The following SLC6A4 variants were observed in gnomAD, a reference collection of about 807,000 sequenced individuals.
SLC6A4 encodes the protein sodium-dependent serotonin transporter.
In SLC6A4, 22 loss-of-function variants were observed where a neutral mutation model predicts 73.4. The observed-to-expected ratio is 0.30, with a 90% confidence interval of 0.21 to 0.43. The LOEUF (loss-of-function observed/expected upper bound fraction) is 0.43. SLC6A4 is among the 20% of genes least tolerant of loss of function. The pLI, the probability that SLC6A4 is intolerant of heterozygous loss-of-function variation, is 1.00. For synonymous variants in SLC6A4, 270 were observed against 315.5 expected (o/e 0.86, Z 1.53); for missense variants, 593 against 808.5 (o/e 0.73, Z 3.23).
chr17:30,203,587 TGCAGCA>T, intron 13 of SLC6A4: 1 of 458,742 alleles, frequency 2.2e-6, no homozygotes, highest in South Asian at 2.4e-5. Context: ...AGGGGGATGT[TGCAGCA>T]GCCCTACAGC....
rs189440830 is a variant in SLC6A4 at position 30,223,038 on chromosome 17, G to A, written c.-220-123C>T. On this transcript the variant is annotated intron_variant, in intron 1 of 14. Coordinates refer to ENST00000650711, the MANE Select transcript of SLC6A4 (RefSeq NM_001045.6). The stretch of plus-strand genomic sequence containing the variant: ...TTCATTTCACCGCCGTGGCCTGGGC[G>A]CAGGGAAGTCAGCTCAGCTCTGGCT... 71 of 377,732 alleles carry A rather than the reference G, an allele frequency of 1.9e-4. No individual in the cohort carries two copies. In the East Asian group the frequency reaches 4.8e-3, roughly 25 times the overall value. 23.4% of individuals were successfully genotyped at this position (377,732 alleles called of 1,614,324 possible).
rs115604457 is a variant in SLC6A4, at chr17:30,232,465, A to C, written c.-221+3148T>G. On this transcript the variant is annotated intron_variant, in intron 1 of 14. Coordinates refer to ENST00000650711, the MANE Select transcript of SLC6A4 (RefSeq NM_001045.6). ...CCTGGGACATTGCCTCTCTGTCTCC[A>C]CATCACTGGGTTGCGTCTCTCCTTT... is the stretch of plus-strand genomic sequence containing the variant. Among the ~76,000 whole-genome samples the C allele has an allele frequency of 2.6e-3, 389 of 152,238 alleles. 1 individual carries two copies. Among genetic ancestry groups the C allele is most frequent in the African/African-American group, 9.1e-3 (379 of 41,520 alleles).
At chr17:30,210,795 T>A (rs1172144010) in intron 10 of SLC6A4, 149 bp from the exon 11 acceptor site, 1 of 783,454 alleles carries the variant, frequency 1.3e-6, no homozygotes, top group African/African-American at 1.8e-5. Context: ...CATGTAAGCA[T>A]CTCAAAGAGT....
chr17:30,232,546 G>C (rs1465354086), intron 1 of SLC6A4, among the ~76,000 whole-genome samples: 2 of 152,198 alleles, frequency 1.3e-5, no homozygotes, highest in Non-Finnish European at 2.9e-5. Context: ...GGGTGCTAAA[G>C]AGCCTGTGGC....
intron 1 of SLC6A4, among the ~76,000 whole-genome samples, chr17:30,224,127 T>C (rs1206657245): frequency 1.3e-5 from 2 of 152,098 alleles, no homozygotes; most frequent in African/African-American, 2.4e-5. Context: ...GAAGGCCAAA[T>C]GGCAGGGAGG....
At chr17:30,225,778 A>T (rs75683663) in intron 1 of SLC6A4, among the ~76,000 whole-genome samples, 161 of 152,304 alleles carry the variant, frequency 1.1e-3, no homozygotes, top group African/African-American at 3.5e-3. Context: ...GTCTCTGCAC[A>T]TGAGGGGTGC....
rs1369842026 is a variant in SLC6A4, at chr17:30,230,121, A to AGG, written c.-221+5491_-221+5492insCC. On this transcript the variant is annotated intron_variant, in intron 1 of 14. Coordinates refer to ENST00000650711, the MANE Select transcript of SLC6A4 (RefSeq NM_001045.6). ...GAGGAGGAAGAGGAAGAGGAAGAGG[A>AGG]AGAGGAGGAGGAGGAGGAGGAGGAG... Among the ~76,000 whole-genome samples, 1,072 of 128,950 alleles carry AGG rather than the reference A, an allele frequency of 8.3e-3. 19 individuals carry two copies. The highest frequency in any genetic ancestry group is 0.03 in the African/African-American group (1,005 of 33,058). The allele number at this position is 128,950 out of a possible 152,430, so 84.6% of individuals were successfully genotyped here. A position where few individuals can be genotyped will look rare whatever the true frequency, so the allele number is the denominator to read the frequency against.
At chr17:30,202,325 A>G (rs1434422565) in intron 14 of SLC6A4, among the ~76,000 whole-genome samples, 1 of 152,150 alleles carries the variant, frequency 6.6e-6, no homozygotes, top group African/African-American at 2.4e-5. Context: ...GGATTTCACC[A>G]TGTTGGCCAG....
chr17:30,214,634 C>CT (rs753290326), intron 8 of SLC6A4, among the ~76,000 whole-genome samples: 4,745 of 132,306 alleles, frequency 0.036, 181 homozygotes, highest in African/African-American at 0.087. Context: ...TTCTTTCTTT[C>CT]TTTTTTTTTT....
chr17:30,218,873 G>A lies in SLC6A4; in HGVS notation c.402C>T (p.Tyr134=), dbSNP rs142370889. The stretch of plus-strand genomic sequence containing the variant: ...GGTACTGTCCCAGTGCGAGCTCCAT[G>A]TAAAAGAGCGGGATTCCCCCAAAAA... The part of the protein sequence containing the change: ...MAIFGGIPLF[Y]MELALGQYHR... The change falls in exon 4 of 15, where the codon TAC becomes TAT. Residue 134 remains tyrosine (Y), a synonymous_variant. Coordinates refer to ENST00000650711, the MANE Select transcript of SLC6A4 (RefSeq NM_001045.6). 17 of 1,613,960 alleles carry A rather than the reference G, an allele frequency of 1.1e-5. No individual in the cohort carries two copies. In the Admixed American group the frequency reaches 1.2e-4, roughly 11 times the overall value.
intron 8 of SLC6A4, among the ~76,000 whole-genome samples, chr17:30,214,999 C>CCTTTCTTT (rs1395281409): frequency 1.1e-3 from 31 of 27,414 alleles, no homozygotes; most frequent in African/African-American, 2.3e-3. Context: ...TTCCTTCCTT[C>CCTTTCTTT]CTTTCTTTCT....
rs144427337 is a variant in SLC6A4 at position 30,218,241 on chromosome 17, G to A, written c.575C>T (p.Thr192Met). The A allele has an allele frequency of 8.7e-6, 14 of 1,614,056 alleles. No homozygotes were observed. The highest frequency in any genetic ancestry group is 8.3e-5 in the Admixed American group (5 of 60,008). The change falls in exon 5 of 15, where the codon ACG (threonine) becomes ATG (methionine). Residue 192 changes from threonine to methionine, a missense_variant. Physicochemically the swap from Thr to Met is moderately conservative, Grantham distance 81. Transcript: ENST00000650711. Reference protein sequence around the residue: ...WALYYLISSFTDQLPWTSCKN... With the variant: ...WALYYLISSFMDQLPWTSCKN... ...GCAGCTGGTCCAGGGCAGCTGGTCC[G>A]TGAAGGAGGAGATGAGGTAGTATAG...
intron 1 of SLC6A4, among the ~76,000 whole-genome samples, chr17:30,224,437 T>G (rs1227926821): frequency 6.6e-6 from 1 of 152,082 alleles, no homozygotes. Flanking sequence ...AGGATGGTCT[T>G]GAACTCCTGA....
chr17:30,212,832 G>A lies in SLC6A4; in HGVS notation c.1112C>T (p.Thr371Met), dbSNP rs1268954204. Residue 371 changes from threonine (T) to methionine (M), a missense_variant, in exon 9 of 15, where the codon ACG becomes ATG. Thr to Met is a moderately conservative substitution (Grantham distance 81). Transcript: ENST00000650711. ...GATGACAAATCCCGAAACGAAGCTC[G>A]TCATGCAGTTCACCACGCTGGTCAC... ...ALVTSVVNCM[T>M]SFVSGFVIFT... The A allele has an allele frequency of 2.5e-6, 4 of 1,614,092 alleles. No homozygotes were observed. The highest frequency in any genetic ancestry group is 2.2e-5 in the East Asian group (1 of 44,886).
chr17:30,198,472 C>A lies in SLC6A4; in HGVS notation c.1877G>T (p.Arg626Leu), dbSNP rs142441982. 4 of 1,602,978 alleles carry A rather than the reference C, an allele frequency of 2.5e-6. No individual in the cohort carries two copies. Among genetic ancestry groups the A allele is most frequent in the African/African-American group, 2.7e-5 (2 of 74,570 alleles). ...TPTEIPCGDI[R>L]LNAV ...GTGAGTGTGTTACACAGCATTCAAG[C>A]GGATGTCCCCACAAGGAATTTCTGT... is the stretch of plus-strand genomic sequence containing the variant. Residue 626 changes from arginine to leucine, a missense_variant, in exon 15 of 15, where the codon CGC becomes CTC. Transcript: ENST00000650711.
At chr17:30,234,250 G>A (rs2079486399) in intron 1 of SLC6A4, among the ~76,000 whole-genome samples, 1 of 152,126 alleles carries the variant, frequency 6.6e-6, no homozygotes, top group Non-Finnish European at 1.5e-5. Context: ...ATCTGTGCTG[G>A]TGGTTATATC....
At chr17:30,224,111 G>A (rs745417939) in intron 1 of SLC6A4, among the ~76,000 whole-genome samples, 4 of 152,140 alleles carry the variant, frequency 2.6e-5, no homozygotes, top group Non-Finnish European at 5.9e-5. Flanking sequence ...AACAACTGAC[G>A]AACTTGAAGG....
intron 3 of SLC6A4, among the ~76,000 whole-genome samples, chr17:30,219,614 G>A (rs950862308): frequency 1.3e-5 from 2 of 152,304 alleles, no homozygotes; most frequent in Non-Finnish European, 2.9e-5. Flanking sequence ...GACAAGCGCC[G>A]TTTGCAGGAG....
rs777367290 is a variant in SLC6A4 at position 30,221,964 on chromosome 17, T to C, written c.-6A>G. On this transcript the variant is annotated 5_prime_UTR_variant, in exon 3 of 15. Coordinates refer to ENST00000650711, the MANE Select transcript of SLC6A4 (RefSeq NM_001045.6). ...TTCAAGGGCGTCGTCTCCATCCTGC[T>C]GGTTAGTAAATGACACTGATGTCCA... 6.8e-6 allele frequency: 11 copies of C among 1,613,886 alleles called. No homozygotes were observed. The highest frequency in any genetic ancestry group is 6.8e-6 in the Non-Finnish European group (8 of 1,180,012).
Sources: allele counts gnomAD v4.1 joint callset (sites outside exome capture counted in the v4.1 genomes callset), GRCh38; gene constraint gnomAD v4.1.1; transcripts MANE v1.5; gene names NCBI Gene and HGNC (gene_info 2026-07-23, HGNC 2026-07-21).